LIMCH1: variants seen among roughly 807,000 people sequenced by gnomAD.
LIMCH1 encodes the protein LIM and calponin homology domains-containing protein 1.
A neutral mutation model predicts 176.5 loss-of-function variants in LIMCH1; 113 were observed. The ratio of observed to expected loss-of-function variants is 0.64; its 90% confidence interval spans 0.55 to 0.75. The LOEUF is 0.75. Ranked by LOEUF, LIMCH1 falls within the 30% of genes least tolerant of loss-of-function variation. The pLI is 0.00. For synonymous variants in LIMCH1, 619 were observed against 645.9 expected (o/e 0.96, Z 0.63); for missense variants, 1,674 against 1,814.9 (o/e 0.92, Z 1.41).
intron 1 of LIMCH1, among the ~76,000 whole-genome samples, chr4:41,449,111 A>T (rs1225726390): frequency 6.6e-6 from 1 of 151,750 alleles, no homozygotes; most frequent in East Asian, 1.9e-4. Flanking sequence ...GTTAGCGTAT[A>T]CAGGCCCAGT....
At chr4:41,450,238 AT>A (rs1435686823) in intron 1 of LIMCH1, among the ~76,000 whole-genome samples, 1 of 152,152 alleles carries the variant, frequency 6.6e-6, no homozygotes, top group Non-Finnish European at 1.5e-5. Context: ...GGAACAAGAT[AT>A]ATTTCTCTTT....
intron 23 of LIMCH1, among the ~76,000 whole-genome samples, chr4:41,677,122 C>T (rs1179030308): frequency 1.3e-5 from 2 of 151,070 alleles, no homozygotes; most frequent in Non-Finnish European, 2.9e-5. Context: ...GAGATCATGC[C>T]ACTGTACTCC....
At chr4:41,666,417 A>G (rs935800424) in intron 20 of LIMCH1, 144 bp from the exon 21 acceptor site, 3 of 569,146 alleles carry the variant, frequency 5.3e-6, no homozygotes, top group Admixed American at 3.4e-5. Context: ...GGGAAGAAAC[A>G]AAAAATGAAA....
intron 2 of LIMCH1, among the ~76,000 whole-genome samples, chr4:41,600,810 A>C (rs1450067453): frequency 6.6e-6 from 1 of 152,082 alleles, no homozygotes; most frequent in South Asian, 2.1e-4. Context: ...AAAAAAAGAG[A>C]TTTAAATCAA....
chr4:41,502,524 C>G (rs1011090208), intron 2 of LIMCH1, among the ~76,000 whole-genome samples: 33 of 152,200 alleles, frequency 2.2e-4, no homozygotes, highest in African/African-American at 7.7e-4. Flanking sequence ...TACGTTCCCA[C>G]CAACAGTGTA....
intron 2 of LIMCH1, among the ~76,000 whole-genome samples, chr4:41,601,331 A>G (rs2089885551): frequency 6.6e-6 from 1 of 152,220 alleles, no homozygotes; most frequent in South Asian, 2.1e-4. Flanking sequence ...TAAGCAAAAG[A>G]CAGTGGCCAG....
chr4:41,566,341 C>T (rs1312335283), intron 1 of LIMCH1, among the ~76,000 whole-genome samples: 2 of 152,168 alleles, frequency 1.3e-5, no homozygotes, highest in African/African-American at 4.8e-5. Flanking sequence ...GAATCACTAT[C>T]TATGGCAGCT....
intron 1 of LIMCH1, among the ~76,000 whole-genome samples, chr4:41,419,598 CCTTCCGT>C: frequency 1.4e-5 from 1 of 73,822 alleles, no homozygotes; most frequent in South Asian, 6.5e-4. Context: ...TTCCTTCCTT[CCTTCCGT>C]CCTTCCTTCC....
intron 1 of LIMCH1, among the ~76,000 whole-genome samples, chr4:41,386,191 C>T (rs1260949077): frequency 1.3e-5 from 2 of 152,190 alleles, no homozygotes; most frequent in Non-Finnish European, 2.9e-5. Flanking sequence ...TCGTGTAGAA[C>T]TCAGTGTCTG....
At chr4:41,690,774 A>G (rs1401843157) in intron 30 of LIMCH1, among the ~76,000 whole-genome samples, 5 of 152,194 alleles carry the variant, frequency 3.3e-5, no homozygotes, top group Non-Finnish European at 7.3e-5. Flanking sequence ...CAGCATAGAT[A>G]CTTATTTTAG....
intron 1 of LIMCH1, among the ~76,000 whole-genome samples, chr4:41,559,974 G>A (rs552130725): frequency 5.3e-5 from 8 of 152,056 alleles, no homozygotes; most frequent in African/African-American, 1.7e-4. Context: ...TGATAGTCCC[G>A]ATCTCTTTCC....
intron 4 of LIMCH1, chr4:41,612,871 A>C: frequency 8.5e-7 from 1 of 1,183,242 alleles, no homozygotes; most frequent in Non-Finnish European, 1.1e-6. Flanking sequence ...TTTTTTTTTT[A>C]ACTTTTGCCT....
intron 2 of LIMCH1, among the ~76,000 whole-genome samples, chr4:41,507,556 A>G (rs1371355645): frequency 6.6e-6 from 1 of 152,160 alleles, no homozygotes; most frequent in African/African-American, 2.4e-5. Context: ...TAGCATTCCT[A>G]TTGCTCAGGA....
chr4:41,622,105 G>C (rs1387289917), intron 7 of LIMCH1, among the ~76,000 whole-genome samples: 1 of 152,012 alleles, frequency 6.6e-6, no homozygotes, highest in Non-Finnish European at 1.5e-5. Flanking sequence ...GTTACAAACA[G>C]CTCTCTGAGT....
chr4:41,395,019 A>T (rs2057648446), intron 1 of LIMCH1, among the ~76,000 whole-genome samples: 1 of 152,216 alleles, frequency 6.6e-6, no homozygotes, highest in Non-Finnish European at 1.5e-5. Context: ...GATGAATTTA[A>T]AGATAGTATT....
intron 1 of LIMCH1, among the ~76,000 whole-genome samples, chr4:41,578,428 T>G (rs2084861596): frequency 6.6e-6 from 1 of 152,164 alleles, no homozygotes; most frequent in Non-Finnish European, 1.5e-5. Flanking sequence ...GAGATATGGG[T>G]GGGGACATAG....
intron 2 of LIMCH1, among the ~76,000 whole-genome samples, chr4:41,516,205 A>G (rs2152383307): frequency 6.6e-6 from 1 of 152,272 alleles, no homozygotes; most frequent in Non-Finnish European, 1.5e-5. Context: ...CTTGATTACC[A>G]GGTGAAGGCA....
chr4:41,535,755 G>A (rs1332316785), upstream of LIMCH1, among the ~76,000 whole-genome samples: 1 of 152,142 alleles, frequency 6.6e-6, no homozygotes, highest in African/African-American at 2.4e-5. Context: ...GCTAGCTGAA[G>A]TCTAATATCC....
At chr4:41,455,304 C>T (rs1459141182) in intron 1 of LIMCH1, among the ~76,000 whole-genome samples, 2 of 152,100 alleles carry the variant, frequency 1.3e-5, no homozygotes, top group African/African-American at 4.8e-5. Context: ...TGGGTGTGTT[C>T]CCCTTAACTC....
Sources: gnomAD v4.1 joint callset for allele counts (sites outside exome capture counted in the v4.1 genomes callset) on GRCh38, gnomAD v4.1.1 for gene constraint, MANE v1.5 for transcripts, NCBI Gene and HGNC (gene_info 2026-07-23, HGNC 2026-07-21) for gene names.